SLC13A3: variants seen among roughly 807,000 people sequenced by gnomAD.
SLC13A3 encodes solute carrier family 13 member 3, also known as Na(+)/dicarboxylate cotransporter 3.
SLC13A3 carries 40 observed loss-of-function variants against 59.0 expected under a neutral mutation model. That is an observed-to-expected ratio of 0.68 (90% confidence interval 0.53 to 0.88). The LOEUF (loss-of-function observed/expected upper bound fraction) is 0.88, where lower values mean the gene tolerates loss of function less well. SLC13A3 is among the 40% of genes least tolerant of loss of function. The probability of loss-of-function intolerance (pLI) is 0.00; values close to 1 mark genes in which losing one functional copy is unlikely to be tolerated. For missense variants in SLC13A3, 699 were observed against 783.2 expected (o/e 0.89, Z 1.28); for synonymous variants, 317 against 330.3 (o/e 0.96, Z 0.44).
chr20:46,606,396 C>G (rs2062437624), intron 3 of SLC13A3, among the ~76,000 whole-genome samples: 1 of 152,202 alleles, frequency 6.6e-6, no homozygotes, highest in African/African-American at 2.4e-5. Flanking sequence ...GGTTGGTTAG[C>G]ATATGGATGA....
At chr20:46,612,082 T>G (rs935146264) in intron 2 of SLC13A3, among the ~76,000 whole-genome samples, 1 of 151,202 alleles carries the variant, frequency 6.6e-6, no homozygotes, top group Non-Finnish European at 1.5e-5. Context: ...TTTTTCTTTC[T>G]GTCTTTTCTT....
intron 1 of SLC13A3, among the ~76,000 whole-genome samples, chr20:46,632,835 C>T (rs1337509601): frequency 6.6e-6 from 1 of 151,776 alleles, no homozygotes; most frequent in African/African-American, 2.4e-5. Flanking sequence ...CTCTCTCTCC[C>T]TTCCTTCCTC....
At chr20:46,631,135 CAG>C (rs1370498052) in intron 1 of SLC13A3, among the ~76,000 whole-genome samples, 4 of 152,206 alleles carry the variant, frequency 2.6e-5, no homozygotes, top group African/African-American at 4.8e-5. Flanking sequence ...TGGTTCTCGA[CAG>C]GGGGTGATTC....
At chr20:46,663,052 G>A (rs1394429164) in intron 1 of SLC13A3, among the ~76,000 whole-genome samples, 1 of 152,186 alleles carries the variant, frequency 6.6e-6, no homozygotes, top group Non-Finnish European at 1.5e-5. Flanking sequence ...CACTTTGGGA[G>A]GCCGAGGTAG....
chr20:46,618,179 C>G (rs1668785585), intron 1 of SLC13A3, among the ~76,000 whole-genome samples: 1 of 150,356 alleles, frequency 6.7e-6, no homozygotes, highest in African/African-American at 2.5e-5. Flanking sequence ...GGTTTGGTGC[C>G]CAGCCCATCC....
chr20:46,637,407 C>G (rs1350295363), intron 1 of SLC13A3, among the ~76,000 whole-genome samples: 1 of 152,190 alleles, frequency 6.6e-6, no homozygotes, highest in Non-Finnish European at 1.5e-5. Flanking sequence ...CTCAGTTAAT[C>G]TTCCCAGCAG....
intron 1 of SLC13A3, chr20:46,613,982 G>A: frequency 2.3e-6 from 1 of 438,086 alleles, no homozygotes; most frequent in Non-Finnish European, 4.0e-6. Context: ...AGCTATTTTG[G>A]TTCACCTCAT....
chr20:46,651,509 G>A, upstream of SLC13A3: 1 of 1,347,568 alleles, frequency 7.4e-7, no homozygotes, highest in Non-Finnish European at 9.5e-7. Flanking sequence ...GGGTCGGGGA[G>A]GGGACTGCGC....
intron 11 of SLC13A3, among the ~76,000 whole-genome samples, chr20:46,565,114 T>C (rs2061968442): frequency 6.6e-6 from 1 of 152,258 alleles, no homozygotes; most frequent in African/African-American, 2.4e-5. Flanking sequence ...TATAAAACTA[T>C]ATTGATAGTT....
At chr20:46,605,844 T>C (rs2062433008) in intron 3 of SLC13A3, among the ~76,000 whole-genome samples, 2 of 151,926 alleles carry the variant, frequency 1.3e-5, no homozygotes, top group Admixed American at 1.3e-4. Context: ...CAGGAAAGAG[T>C]TCTTGTGTCA....
chr20:46,605,830 C>T (rs1411928826), intron 3 of SLC13A3, among the ~76,000 whole-genome samples: 2 of 152,086 alleles, frequency 1.3e-5, no homozygotes, highest in East Asian at 1.9e-4. Flanking sequence ...ACGAAGAGGG[C>T]CCTCAGGAAA....
chr20:46,563,615 G>GGAGA (rs1555874384), intron 11 of SLC13A3, 64 bp from the exon 12 acceptor site: 1 of 1,425,042 alleles, frequency 7.0e-7, no homozygotes, highest in Non-Finnish European at 9.5e-7. Context: ...ACAGCAAGAG[G>GGAGA]GAGAGAGAGA....
chr20:46,608,761 A>G, intron 3 of SLC13A3: 1 of 1,206,226 alleles, frequency 8.3e-7, no homozygotes, highest in Non-Finnish European at 1.1e-6. Context: ...AAAAACTAGA[A>G]CTAGCACACA....
chr20:46,587,932 A>G (rs1212394195), intron 8 of SLC13A3, 127 bp downstream of exon 8: 3 of 529,886 alleles, frequency 5.7e-6, no homozygotes, highest in Non-Finnish European at 1.0e-5. Flanking sequence ...ATTAATAATC[A>G]TATGGGACAA....
chr20:46,594,425 T>C (rs1287276278), intron 5 of SLC13A3, among the ~76,000 whole-genome samples: 1 of 152,020 alleles, frequency 6.6e-6, no homozygotes, highest in Non-Finnish European at 1.5e-5. Context: ...CCTCCAATTC[T>C]CTCCATCCCC....
chr20:46,627,985 G>A (rs2062693841), intron 1 of SLC13A3, among the ~76,000 whole-genome samples: 1 of 152,192 alleles, frequency 6.6e-6, no homozygotes, highest in South Asian at 2.1e-4. Context: ...ATAGAGGGGA[G>A]TCCAGGTGGA....
chr20:46,638,105 G>A (rs1488120117), intron 1 of SLC13A3, among the ~76,000 whole-genome samples: 1 of 152,180 alleles, frequency 6.6e-6, no homozygotes, highest in Non-Finnish European at 1.5e-5. Flanking sequence ...GGACTCCCCA[G>A]GCCTGGATGT....
chr20:46,623,585 G>A (rs1452911874), intron 1 of SLC13A3, among the ~76,000 whole-genome samples: 6 of 152,128 alleles, frequency 3.9e-5, no homozygotes, highest in East Asian at 1.9e-4. Context: ...ATAAAAAGAT[G>A]TCTATTTAGG....
intron 1 of SLC13A3, among the ~76,000 whole-genome samples, chr20:46,649,409 C>T (rs545564125): frequency 2.2e-4 from 34 of 152,256 alleles, no homozygotes; most frequent in African/African-American, 7.7e-4. Context: ...GTAAATGCTC[C>T]CCGCCCCTTA....
Sources: allele counts gnomAD v4.1 joint callset (sites outside exome capture counted in the v4.1 genomes callset), GRCh38; gene constraint gnomAD v4.1.1; transcripts MANE v1.5; gene names NCBI Gene and HGNC (gene_info 2026-07-23, HGNC 2026-07-21).